The following DNAJC9 variants were observed in gnomAD, a reference collection of about 807,000 sequenced individuals.
The protein encoded by DNAJC9 is dnaJ homolog subfamily C member 9.
In DNAJC9, 18 loss-of-function variants were observed where a neutral mutation model predicts 32.4. The observed-to-expected ratio is 0.56, with a 90% CI of 0.38 to 0.82. The LOEUF is 0.82. DNAJC9 is among the 40% of genes least tolerant of loss of function. The pLI, the probability that DNAJC9 is intolerant of heterozygous loss-of-function variation, is 0.00. For missense variants in DNAJC9, 310 were observed against 321.8 expected (o/e 0.96, Z 0.28); for synonymous variants, 113 against 122.1 (o/e 0.93, Z 0.49).
downstream of DNAJC9, chr10:73,239,373 G>A (rs1372620473): frequency 1.3e-6 from 2 of 1,551,426 alleles, no homozygotes; most frequent in East Asian, 4.9e-5. Context: ...CGACCTGGCA[G>A]GGGATCTGCA....
intron 2 of DNAJC9, 129 bp downstream of exon 2, chr10:73,246,559 T>C (rs2044012482): frequency 9.0e-7 from 1 of 1,113,604 alleles, no homozygotes; most frequent in South Asian, 1.5e-5. Flanking sequence ...TATCTGTATT[T>C]CAAGGCCAAA....
rs12246048 is a variant in DNAJC9, at chr10:73,243,197, G to A, written c.*203C>T. On this transcript the variant is annotated 3_prime_UTR_variant, in exon 5 of 5. Coordinates refer to ENST00000372950, the MANE Select transcript of DNAJC9 (RefSeq NM_015190.5). Reference sequence around the variant, plus strand: ...GTCACCACCAAGTTCCTTCAGGTGAGACCTCACACAATGTCAAGTGCTTTC... The same window carrying A: ...GTCACCACCAAGTTCCTTCAGGTGAAACCTCACACAATGTCAAGTGCTTTC... The A allele has an allele frequency of 4.9e-3, 2,779 of 564,174 alleles. 38 individuals are homozygous for A. Among genetic ancestry groups the A allele is most frequent in the African/African-American group, 0.033 (1,720 of 52,642 alleles). 34.9% of individuals were successfully genotyped at this position (564,174 alleles called of 1,614,324 possible). A position where few individuals can be genotyped will look rare whatever the true frequency, so the allele number is the denominator to read the frequency against.
At chr10:73,239,375 G>T, downstream of DNAJC9, 1 of 1,551,368 alleles carries the variant, frequency 6.4e-7, no homozygotes, top group Non-Finnish European at 8.7e-7. Context: ...ACCTGGCAGG[G>T]GATCTGCAGG....
At position 73,247,234 on chromosome 10, in the gene DNAJC9, G is replaced by A. The variant is rs1487535137; in HGVS notation, c.-45C>T. On this transcript the variant is annotated 5_prime_UTR_variant, in exon 1 of 5. Transcript: ENST00000372950. ...CCGGAGGAAGCAGCCGCTCCCAGCT[G>A]CGCCGGGTACAACCCAGGACTGCTT... 4 of 1,559,388 alleles carry A rather than the reference G, an allele frequency of 2.6e-6. No homozygotes were observed. The highest frequency in any genetic ancestry group is 1.2e-5 in the South Asian group (1 of 85,202).
rs560067839 is a variant in DNAJC9 at position 73,243,959 on chromosome 10, G to A, written c.577-30C>T. The A allele has an allele frequency of 5.6e-4, 889 of 1,582,424 alleles. 10 individuals are homozygous for A. The South Asian group carries it at 9.4e-3, about 17-fold the overall frequency. ...AACAGGAACTCACATGAGACTCAGG[G>A]CCACCAGGAAATGCTTAAAATACAT... On this transcript the variant is annotated intron_variant, in intron 3 of 4. Coordinates refer to ENST00000372950, the MANE Select transcript of DNAJC9 (RefSeq NM_015190.5).
chr10:73,235,612 C>CA (rs1482421984), downstream of DNAJC9: 5 of 393,124 alleles, frequency 1.3e-5, no homozygotes, highest in East Asian at 3.7e-4. Context: ...ATAAGCATAA[C>CA]TTTATTATGT....
downstream of DNAJC9, chr10:73,235,442 A>G: frequency 6.8e-7 from 1 of 1,461,816 alleles, no homozygotes; most frequent in Non-Finnish European, 9.0e-7. Flanking sequence ...TTGAGTTTCC[A>G]ACAATAAAAA....
Position 73,247,156 on chromosome 10 carries a change from C to G in DNAJC9, c.34G>C (p.Gly12Arg). 1.3e-6 allele frequency: 2 copies of G among 1,596,996 alleles called. No individual in the cohort carries two copies. Among genetic ancestry groups the G allele is most frequent in the Non-Finnish European group, 1.7e-6 (2 of 1,172,826 alleles). The change falls in exon 1 of 5, where the codon GGC (glycine) becomes CGC (arginine). Residue 12 changes from glycine to arginine, a missense_variant. Physicochemically the swap from Gly to Arg is moderately radical, Grantham distance 125. Transcript: ENST00000372950. ...AGCACCCGGTAAAGGTCGGCGGTGC[C>G]GAACACTTCCTCGCAAAGGTCCAGC... ...GLLDLCEEVFGTADLYRVLGV... is the reference protein window; with the variant it reads ...GLLDLCEEVFRTADLYRVLGV...
At chr10:73,233,046 C>A in intron 2 of DNAJC9, 2 of 1,551,608 alleles carry the variant, frequency 1.3e-6, no homozygotes, top group Middle Eastern at 1.7e-4. Context: ...CTGTCATACA[C>A]AGTGCAGTCC....
At chr10:73,240,742 C>T (rs1179450964), downstream of DNAJC9, among the ~76,000 whole-genome samples, 3 of 151,294 alleles carry the variant, frequency 2.0e-5, no homozygotes, top group East Asian at 5.8e-4. Flanking sequence ...TCAGGTATAA[C>T]TTATGTAACA....
intron 2 of DNAJC9, chr10:73,233,160 GA>G: frequency 6.5e-7 from 1 of 1,549,086 alleles, no homozygotes; most frequent in Non-Finnish European, 8.7e-7. Flanking sequence ...AGAGGAGCCC[GA>G]GTGTAGGTTT....
At chr10:73,246,960 T>TC in intron 1 of DNAJC9, 50 bp downstream of exon 1, 1 of 1,558,276 alleles carries the variant, frequency 6.4e-7, no homozygotes, top group South Asian at 1.2e-5. Context: ...GCCAAAAGGC[T>TC]AGGGGGAGGC....
chr10:73,236,611 G>A (rs1229365201), downstream of DNAJC9, among the ~76,000 whole-genome samples: 1 of 151,440 alleles, frequency 6.6e-6, no homozygotes, highest in African/African-American at 2.4e-5. Flanking sequence ...ATGGGGTTTT[G>A]CCATCTTGGC....
chr10:73,235,485 T>A, downstream of DNAJC9: 1 of 1,407,364 alleles, frequency 7.1e-7, no homozygotes, highest in Non-Finnish European at 9.3e-7. Context: ...AAATTCTAAC[T>A]AGTCCCTGAT....
At chr10:73,238,949 T>C (rs2043884047), downstream of DNAJC9, 1 of 165,138 alleles carries the variant, frequency 6.1e-6, no homozygotes, top group Non-Finnish European at 1.3e-5. Flanking sequence ...AAAAGGCTGG[T>C]TGTTTTAAAT....
chr10:73,238,269 C>A, downstream of DNAJC9, among the ~76,000 whole-genome samples: 1 of 152,192 alleles, frequency 6.6e-6, no homozygotes, highest in East Asian at 1.9e-4. Context: ...ATTGCTTGAG[C>A]CCAGGAGGCA....
intron 3 of DNAJC9, 56 bp from the exon 4 acceptor site, chr10:73,243,985 A>G (rs2043980993): frequency 1.4e-6 from 2 of 1,404,824 alleles, no homozygotes; most frequent in East Asian, 4.6e-5. Context: ...TAAAATACAT[A>G]CTCTTTCCCA....
intron 2 of DNAJC9, 124 bp downstream of exon 2, chr10:73,246,564 G>T: frequency 8.7e-7 from 1 of 1,148,188 alleles, no homozygotes; most frequent in Non-Finnish European, 1.3e-6. Flanking sequence ...GTATTTCAAG[G>T]CCAAACTCAA....
intron 2 of DNAJC9, chr10:73,233,158 C>T: frequency 6.5e-7 from 1 of 1,549,266 alleles, no homozygotes; most frequent in South Asian, 1.2e-5. Flanking sequence ...TCAGAGGAGC[C>T]CGAGTGTAGG....
Sources: gnomAD v4.1 joint callset for allele counts (sites outside exome capture counted in the v4.1 genomes callset) on GRCh38, gnomAD v4.1.1 for gene constraint, MANE v1.5 for transcripts, NCBI Gene and HGNC (gene_info 2026-07-23, HGNC 2026-07-21) for gene names.